The following WDR70 variants were observed in gnomAD, a reference collection of about 807,000 sequenced individuals.
The protein encoded by WDR70 is WD repeat domain 70.
Under a neutral mutation model 88.6 loss-of-function variants are expected in WDR70, and 53 were observed. The ratio of observed to expected loss-of-function variants is 0.60; its 90% CI spans 0.48 to 0.75. The LOEUF (loss-of-function observed/expected upper bound fraction) is 0.75. Among genes scored for constraint, WDR70 ranks in the 30% least tolerant of loss-of-function variants. The probability of loss-of-function intolerance (pLI) is 0.00; values close to 1 mark genes in which losing one functional copy is unlikely to be tolerated. For synonymous variants in WDR70, 280 were observed against 270.0 expected (o/e 1.04, Z -0.36); for missense variants, 610 against 823.2 (o/e 0.74, Z 3.17).
chr5:37,553,156 G>T (rs566288329), intron 9 of WDR70, among the ~76,000 whole-genome samples: 1 of 152,190 alleles, frequency 6.6e-6, no homozygotes, highest in Admixed American at 6.5e-5. Context: ...TTGATAGTTG[G>T]TGTGGGGGAA....
intron 9 of WDR70, among the ~76,000 whole-genome samples, chr5:37,563,837 T>G (rs1742638317): frequency 8.1e-6 from 1 of 123,792 alleles, no homozygotes; most frequent in African/African-American, 2.6e-5. Flanking sequence ...GAGGGGCTCC[T>G]CACTTCTCAG....
chr5:37,615,704 A>G (rs1337867106), intron 10 of WDR70, among the ~76,000 whole-genome samples: 1 of 152,220 alleles, frequency 6.6e-6, no homozygotes, highest in East Asian at 1.9e-4. Context: ...ACTTACGCTC[A>G]ATATACCCAA....
intron 10 of WDR70, among the ~76,000 whole-genome samples, chr5:37,623,659 C>T (rs187492965): frequency 1.9e-3 from 292 of 152,096 alleles, no homozygotes; most frequent in Non-Finnish European, 3.6e-3. Flanking sequence ...TTCTTATGAT[C>T]TTCTTTAAGT....
At chr5:37,578,395 C>G (rs1743117302) in intron 9 of WDR70, among the ~76,000 whole-genome samples, 1 of 152,082 alleles carries the variant, frequency 6.6e-6, no homozygotes, top group Middle Eastern at 3.2e-3. Flanking sequence ...TGTAATAAAC[C>G]CACTAGTAGT....
At chr5:37,517,174 T>A (rs944806125) in intron 9 of WDR70, among the ~76,000 whole-genome samples, 1 of 152,188 alleles carries the variant, frequency 6.6e-6, no homozygotes, top group African/African-American at 2.4e-5. Context: ...CAAAGGACTT[T>A]GAAGTTGTGA....
At chr5:37,533,472 C>G (rs543130584) in intron 9 of WDR70, among the ~76,000 whole-genome samples, 3 of 148,598 alleles carry the variant, frequency 2.0e-5, no homozygotes, top group Admixed American at 1.3e-4. Context: ...ACCACCACCA[C>G]CACCACCACC....
At chr5:37,516,160 T>C (rs1044411801) in intron 8 of WDR70, among the ~76,000 whole-genome samples, 4 of 152,194 alleles carry the variant, frequency 2.6e-5, no homozygotes, top group Non-Finnish European at 5.9e-5. Context: ...AAAGGAGTTA[T>C]GATCTTTGAA....
intron 17 of WDR70, among the ~76,000 whole-genome samples, chr5:37,748,230 C>T (rs1748690606): frequency 6.6e-6 from 1 of 152,186 alleles, no homozygotes; most frequent in African/African-American, 2.4e-5. Context: ...CGTTACCTGA[C>T]TTTAAACATA....
intron 9 of WDR70, among the ~76,000 whole-genome samples, chr5:37,604,622 A>G (rs1028002038): frequency 1.3e-5 from 2 of 152,336 alleles, no homozygotes; most frequent in Non-Finnish European, 2.9e-5. Context: ...GTGGGATGTT[A>G]TTCTTTTAAT....
At chr5:37,680,186 T>G (rs545485760) in intron 10 of WDR70, among the ~76,000 whole-genome samples, 23 of 152,210 alleles carry the variant, frequency 1.5e-4, no homozygotes, top group African/African-American at 5.5e-4. Context: ...GTTTATTGGC[T>G]GCATGTATGT....
Position 37,528,628 on chromosome 5 carries a change from T to TA in WDR70, c.917+12047dup, listed in dbSNP as rs60662114. Among the ~76,000 whole-genome samples, 105 of 151,750 alleles carry TA rather than the reference T, an allele frequency of 6.9e-4. 2 individuals carry two copies. The South Asian group carries it at 0.011, about 16-fold the overall frequency. On this transcript the variant is annotated intron_variant, in intron 9 of 17. Transcript: ENST00000265107. ...ATGTACCCTAGAACTTAAAGTATAA[T>TA]AAAAAAAAACTATTAATGTTTTTAG...
intron 5 of WDR70, among the ~76,000 whole-genome samples, chr5:37,426,950 A>T (rs77428239): frequency 0.016 from 2,424 of 151,778 alleles, 62 homozygotes; most frequent in African/African-American, 0.056. Context: ...TAATTTTTAA[A>T]TTTTTTTTAG....
chr5:37,409,552 T>A (rs953065470), intron 5 of WDR70, among the ~76,000 whole-genome samples: 2 of 151,784 alleles, frequency 1.3e-5, no homozygotes, highest in Non-Finnish European at 2.9e-5. Context: ...TTGCCCAGGC[T>A]GGAGTGCAGT....
intron 9 of WDR70, 40 bp from the exon 10 acceptor site, chr5:37,605,024 T>G (rs750160071): frequency 6.6e-7 from 1 of 1,520,468 alleles, no homozygotes; most frequent in Non-Finnish European, 8.8e-7. Context: ...CTCCTTCTTT[T>G]TTTTTTTAAA....
At chr5:37,654,930 G>A (rs1745509265) in intron 10 of WDR70, among the ~76,000 whole-genome samples, 1 of 152,132 alleles carries the variant, frequency 6.6e-6, no homozygotes, top group Admixed American at 6.6e-5. Context: ...TTTAATTGGG[G>A]CATTAGCCTG....
chr5:37,640,145 A>G (rs924391032), intron 10 of WDR70, among the ~76,000 whole-genome samples: 4 of 152,134 alleles, frequency 2.6e-5, no homozygotes, highest in African/African-American at 9.7e-5. Context: ...TCTGAAGTCT[A>G]TATTTTAAAT....
At chr5:37,593,953 G>T (rs572053206) in intron 9 of WDR70, among the ~76,000 whole-genome samples, 16 of 152,266 alleles carry the variant, frequency 1.1e-4, no homozygotes, top group African/African-American at 3.9e-4. Flanking sequence ...GTCTTCTTTT[G>T]AGAAGTGTCT....
chr5:37,576,368 A>G (rs1743051782), intron 9 of WDR70, among the ~76,000 whole-genome samples: 2 of 152,034 alleles, frequency 1.3e-5, no homozygotes, highest in South Asian at 2.1e-4. Context: ...ATAGCTCCTT[A>G]TCATTCAGTT....
intron 9 of WDR70, among the ~76,000 whole-genome samples, chr5:37,594,602 G>C (rs1284444394): frequency 5.3e-5 from 8 of 152,118 alleles, no homozygotes; most frequent in Non-Finnish European, 1.5e-5. Flanking sequence ...TGTTCTTTTT[G>C]CTTAGGATTG....
Sources: gnomAD v4.1 joint callset for allele counts (sites outside exome capture counted in the v4.1 genomes callset) on GRCh38, gnomAD v4.1.1 for gene constraint, MANE v1.5 for transcripts, NCBI Gene and HGNC (gene_info 2026-07-23, HGNC 2026-07-21) for gene names.